The following UVRAG variants were observed in gnomAD, a reference collection of about 807,000 sequenced individuals.
The protein encoded by UVRAG is UV radiation resistance-associated gene protein.
In UVRAG, 19 loss-of-function variants were observed where a neutral mutation model predicts 78.0. The observed-to-expected ratio is 0.24, with a 90% CI of 0.17 to 0.36. The LOEUF (loss-of-function observed/expected upper bound fraction) is 0.36, where lower values mean the gene tolerates loss of function less well. Among genes scored for constraint, UVRAG ranks in the 10% least tolerant of loss-of-function variants. The probability of loss-of-function intolerance (pLI) is 1.00; values close to 1 mark genes in which losing one functional copy is unlikely to be tolerated. For synonymous variants in UVRAG, 323 were observed against 324.6 expected, an observed-to-expected ratio of 1.00 and a Z score of 0.05; for missense variants, 740 against 853.8, an observed-to-expected ratio of 0.87 and a Z score of 1.66.
At chr11:76,065,434 C>G (rs923854813) in intron 12 of UVRAG, among the ~76,000 whole-genome samples, 2 of 152,076 alleles carry the variant, frequency 1.3e-5, no homozygotes, top group Non-Finnish European at 2.9e-5. Context: ...AAATAGGAAC[C>G]AGTGGCCTCA....
chr11:76,033,786 A>C (rs531658095), intron 12 of UVRAG, among the ~76,000 whole-genome samples: 38 of 152,324 alleles, frequency 2.5e-4, no homozygotes, highest in African/African-American at 8.9e-4. Flanking sequence ...TAAAACCAGA[A>C]GGAGATGCCA....
At chr11:75,877,906 G>C (rs1156877448) in intron 3 of UVRAG, among the ~76,000 whole-genome samples, 1 of 145,748 alleles carries the variant, frequency 6.9e-6, no homozygotes, top group Admixed American at 6.7e-5. Context: ...CTGGCCTGGC[G>C]GGGGGCTGAC....
intron 8 of UVRAG, among the ~76,000 whole-genome samples, chr11:75,986,296 T>C (rs60864005): frequency 6.6e-6 from 1 of 152,064 alleles, no homozygotes; most frequent in South Asian, 2.1e-4. Flanking sequence ...CTATTTTTTG[T>C]TGTTTTATGA....
At chr11:76,036,770 AAGG>A (rs1398336840) in intron 12 of UVRAG, among the ~76,000 whole-genome samples, 1 of 152,026 alleles carries the variant, frequency 6.6e-6, no homozygotes, top group Non-Finnish European at 1.5e-5. Context: ...AGAACAAAAA[AAGG>A]AGACACATGT....
At chr11:75,968,107 A>G (rs1299176865) in intron 7 of UVRAG, among the ~76,000 whole-genome samples, 3 of 152,210 alleles carry the variant, frequency 2.0e-5, no homozygotes, top group Non-Finnish European at 4.4e-5. Flanking sequence ...AGAAAGTTTC[A>G]GATTTTGTAG....
At chr11:76,050,295 G>A (rs911658548) in intron 12 of UVRAG, among the ~76,000 whole-genome samples, 4 of 152,164 alleles carry the variant, frequency 2.6e-5, no homozygotes, top group African/African-American at 9.7e-5. Flanking sequence ...GAACATACCT[G>A]AATCTTGAAA....
chr11:75,946,970 G>A (rs776752139), intron 6 of UVRAG, among the ~76,000 whole-genome samples: 10 of 152,114 alleles, frequency 6.6e-5, no homozygotes, highest in Non-Finnish European at 1.5e-4. Context: ...AGTTTCTGGC[G>A]AGGCTCTCTC....
intron 6 of UVRAG, among the ~76,000 whole-genome samples, chr11:75,951,392 GTTTT>G (rs538018565): frequency 1.5e-4 from 23 of 149,124 alleles, no homozygotes; most frequent in East Asian, 1.4e-3. Context: ...TTGTTTGTTT[GTTTT>G]TTTGAGATGG....
intron 13 of UVRAG, among the ~76,000 whole-genome samples, chr11:76,096,255 G>T (rs1163169150): frequency 6.6e-6 from 1 of 152,122 alleles, no homozygotes; most frequent in African/African-American, 2.4e-5. Context: ...TGGCTTTTTT[G>T]TGGCTTAATA....
intron 13 of UVRAG, among the ~76,000 whole-genome samples, chr11:76,092,361 G>T (rs1343143085): frequency 6.6e-6 from 1 of 152,160 alleles, no homozygotes; most frequent in East Asian, 1.9e-4. Flanking sequence ...CCAGTAATAG[G>T]ATGGCTGGGT....
At chr11:75,967,944 C>T (rs1949056764) in intron 7 of UVRAG, among the ~76,000 whole-genome samples, 4 of 152,304 alleles carry the variant, frequency 2.6e-5, no homozygotes, top group Admixed American at 2.0e-4. Flanking sequence ...CAGGAACATG[C>T]TTGAGGAACT....
chr11:75,896,551 A>AT (rs1210825432), intron 5 of UVRAG, among the ~76,000 whole-genome samples: 1 of 152,204 alleles, frequency 6.6e-6, no homozygotes, highest in Non-Finnish European at 1.5e-5. Context: ...AGTAAATGGA[A>AT]ACTTCTACTC....
At chr11:75,926,039 G>GTT (rs1190695606) in intron 6 of UVRAG, among the ~76,000 whole-genome samples, 1 of 145,932 alleles carries the variant, frequency 6.9e-6, no homozygotes, top group African/African-American at 2.5e-5. Context: ...CCCAGTAAAA[G>GTT]TTTTTTTTTT....
chr11:75,841,784 C>A (rs1271477041), intron 1 of UVRAG, among the ~76,000 whole-genome samples: 1 of 152,124 alleles, frequency 6.6e-6, no homozygotes, highest in South Asian at 2.1e-4. Flanking sequence ...CCGTGTCAAC[C>A]CCAGTAGAGA....
chr11:76,076,541 A>T (rs528018762), intron 13 of UVRAG, among the ~76,000 whole-genome samples: 2 of 152,188 alleles, frequency 1.3e-5, no homozygotes, highest in African/African-American at 4.8e-5. Flanking sequence ...ACGTGGAATT[A>T]TGGGAGCTAC....
chr11:76,023,481 T>G (rs962663618), intron 12 of UVRAG, among the ~76,000 whole-genome samples: 3 of 143,832 alleles, frequency 2.1e-5, no homozygotes, highest in South Asian at 2.2e-4. Flanking sequence ...TTGTTTGCCT[T>G]ACTGCTTGAA....
intron 6 of UVRAG, among the ~76,000 whole-genome samples, chr11:75,929,725 C>G (rs1053831834): frequency 6.6e-6 from 1 of 152,122 alleles, no homozygotes; most frequent in Non-Finnish European, 1.5e-5. Context: ...ATCTTGCTCA[C>G]GGTAACAGCC....
chr11:75,849,493 C>CAAAAA (rs59733905), intron 1 of UVRAG, among the ~76,000 whole-genome samples: 5,177 of 112,010 alleles, frequency 0.046, 312 homozygotes, highest in African/African-American at 0.15. Context: ...GACTCCATCT[C>CAAAAA]AAAAAAAAAA....
chr11:75,823,283 T>C (rs1224531205), intron 1 of UVRAG, among the ~76,000 whole-genome samples: 2 of 152,316 alleles, frequency 1.3e-5, no homozygotes, highest in African/African-American at 4.8e-5. Context: ...TATACTGTAG[T>C]CTTTGGAAGG....
Sources: allele counts gnomAD v4.1 joint callset (sites outside exome capture counted in the v4.1 genomes callset), GRCh38; gene constraint gnomAD v4.1.1; transcripts MANE v1.5; gene names NCBI Gene and HGNC (gene_info 2026-07-23, HGNC 2026-07-21).